PAQR5: variants seen among roughly 807,000 people sequenced by gnomAD.
The protein encoded by PAQR5 is progestin and adipoQ receptor family member 5.
A neutral mutation model predicts 34.5 loss-of-function variants in PAQR5; 20 were observed. That is an observed-to-expected ratio of 0.58 (90% CI 0.41 to 0.84). The LOEUF (loss-of-function observed/expected upper bound fraction) is 0.84. PAQR5 is among the 40% of genes least tolerant of loss of function. The probability of loss-of-function intolerance (pLI) is 0.00; values close to 1 mark genes in which losing one functional copy is unlikely to be tolerated. For synonymous variants in PAQR5, 131 were observed against 155.6 expected (o/e 0.84, Z 1.18); for missense variants, 378 against 412.7 (o/e 0.92, Z 0.73).
chr15:69,305,091 A>G (rs1418809906), intron 1 of PAQR5, among the ~76,000 whole-genome samples: 1 of 152,146 alleles, frequency 6.6e-6, no homozygotes. Flanking sequence ...GACTTTCGGT[A>G]CCGGATAATT....
chr15:69,407,580 A>G lies in PAQR5; in HGVS notation c.*3758A>G, dbSNP rs999415630. On this transcript the variant is annotated 3_prime_UTR_variant, in exon 9 of 9. Transcript: ENST00000395407. ...ACTCAGATGTTCTCCAACTTACACT[A>G]ATGTCTGGTTTTCTTGAACTATGTG... The G allele has an allele frequency of 7.9e-5, 12 of 152,224 alleles. No individual in the cohort carries two copies. The highest frequency in any genetic ancestry group is 2.4e-4 in the African/African-American group (10 of 41,456). The allele number at this position is 152,224 out of a possible 1,614,324, so 9.4% of individuals were successfully genotyped here. A position where few individuals can be genotyped will look rare whatever the true frequency, so the allele number is the denominator to read the frequency against.
At chr15:69,305,709 G>C (rs778071630) in intron 1 of PAQR5, among the ~76,000 whole-genome samples, 1 of 93,996 alleles carries the variant, frequency 1.1e-5, no homozygotes, top group Non-Finnish European at 2.1e-5. Flanking sequence ...CCACCAAGCA[G>C]AGGAGGGAGA....
chr15:69,344,286 TC>T (rs1382945747), intron 2 of PAQR5, among the ~76,000 whole-genome samples: 1 of 152,228 alleles, frequency 6.6e-6, no homozygotes, highest in Non-Finnish European at 1.5e-5. Context: ...CTGGGCTCAT[TC>T]AGAGGAGTGG....
intron 2 of PAQR5, among the ~76,000 whole-genome samples, chr15:69,342,361 C>T (rs1468705791): frequency 6.6e-6 from 1 of 151,684 alleles, no homozygotes; most frequent in East Asian, 1.9e-4. Flanking sequence ...CTATTCAAGC[C>T]ATTTGCCCAT....
chr15:69,400,178 C>A, intron 8 of PAQR5, 63 bp downstream of exon 8: 1 of 1,515,876 alleles, frequency 6.6e-7, no homozygotes, highest in Non-Finnish European at 9.0e-7. Flanking sequence ...GGTCCTGTCC[C>A]TGACTCCAGT....
chr15:69,387,523 T>C (rs1015762988), intron 5 of PAQR5, among the ~76,000 whole-genome samples: 2 of 152,220 alleles, frequency 1.3e-5, no homozygotes, highest in African/African-American at 4.8e-5. Flanking sequence ...CTGGCCTTAG[T>C]CGGCATCTGA....
chr15:69,390,361 T>TTTTC (rs1555423103), intron 6 of PAQR5, among the ~76,000 whole-genome samples: 1 of 120,750 alleles, frequency 8.3e-6, no homozygotes, highest in Non-Finnish European at 1.8e-5. Context: ...TATTTATTTA[T>TTTTC]TTTTTTGAGA....
In PAQR5 at chr15:69,405,019, A is replaced by G. The variant is rs1286831332; in HGVS notation, c.*1197A>G. 2 of 398,526 alleles carry G rather than the reference A, an allele frequency of 5.0e-6. No homozygotes were observed. Among genetic ancestry groups the G allele is most frequent in the Non-Finnish European group, 8.8e-6 (2 of 226,056 alleles). 24.7% of individuals were successfully genotyped at this position (398,526 alleles called of 1,614,324 possible). Reference sequence around the variant, plus strand: ...ATCAGCTTTGTTTCGCCTGATCTCAAGTTTTAGCAACTCACCAACTAAGGC... The same window carrying G: ...ATCAGCTTTGTTTCGCCTGATCTCAGGTTTTAGCAACTCACCAACTAAGGC... On this transcript the variant is annotated 3_prime_UTR_variant, in exon 9 of 9. Transcript: ENST00000395407.
At chr15:69,329,646 G>T (rs901162889) in intron 1 of PAQR5, among the ~76,000 whole-genome samples, 4 of 151,244 alleles carry the variant, frequency 2.6e-5, no homozygotes, top group African/African-American at 9.7e-5. Flanking sequence ...CACCACACCC[G>T]GCTAATATTT....
At chr15:69,332,779 T>A (rs1272668455) in intron 1 of PAQR5, among the ~76,000 whole-genome samples, 6 of 59,794 alleles carry the variant, frequency 1.0e-4, no homozygotes, top group Admixed American at 2.7e-4. Context: ...CTAAATCTTG[T>A]AAAAAAAAAA....
At chr15:69,361,310 A>G (rs750516102) in intron 3 of PAQR5, among the ~76,000 whole-genome samples, 2 of 152,252 alleles carry the variant, frequency 1.3e-5, no homozygotes, top group Non-Finnish European at 2.9e-5. Context: ...GAATAATTAC[A>G]TACAAATCCT....
At chr15:69,403,521 A>G in intron 8 of PAQR5, 60 bp from the exon 9 acceptor site, 1 of 1,530,590 alleles carries the variant, frequency 6.5e-7, no homozygotes, top group South Asian at 1.2e-5. Flanking sequence ...ATGCCATAGC[A>G]TGTATCAGTA....
intron 1 of PAQR5, among the ~76,000 whole-genome samples, chr15:69,334,622 C>T (rs143985803): frequency 6.6e-6 from 1 of 152,208 alleles, no homozygotes; most frequent in East Asian, 1.9e-4. Context: ...CGCTTACTTA[C>T]CAGGTTTTTC....
At chr15:69,384,929 T>C in intron 5 of PAQR5, 47 bp downstream of exon 5, 1 of 1,457,076 alleles carries the variant, frequency 6.9e-7, no homozygotes, top group Non-Finnish European at 9.5e-7. Context: ...AACCGGGCTG[T>C]TTGCCCCTTC....
chr15:69,370,038 T>C (rs2055514618), intron 3 of PAQR5, among the ~76,000 whole-genome samples: 1 of 152,180 alleles, frequency 6.6e-6, no homozygotes, highest in East Asian at 1.9e-4. Context: ...TGATGCATAC[T>C]CCAGACAGCA....
intron 1 of PAQR5, among the ~76,000 whole-genome samples, chr15:69,305,317 C>A (rs534650709): frequency 6.6e-6 from 1 of 152,184 alleles, no homozygotes; most frequent in Non-Finnish European, 1.5e-5. Context: ...ACCCTCCCAA[C>A]GGTCATCCTC....
chr15:69,308,191 C>A (rs954706593), intron 1 of PAQR5, among the ~76,000 whole-genome samples: 1 of 152,198 alleles, frequency 6.6e-6, no homozygotes, highest in Non-Finnish European at 1.5e-5. Context: ...CATGTCATAT[C>A]AATCCACACA....
intron 2 of PAQR5, among the ~76,000 whole-genome samples, chr15:69,343,042 T>C (rs12912924): frequency 0.87 from 132,919 of 152,176 alleles, 58,828 homozygotes; most frequent in Non-Finnish European, 0.96. Flanking sequence ...GTCAAATGTA[T>C]GACCACTTGT....
intron 6 of PAQR5, 103 bp downstream of exon 6, chr15:69,389,883 G>T (rs2056210480): frequency 7.2e-7 from 1 of 1,385,482 alleles, no homozygotes; most frequent in Non-Finnish European, 9.9e-7. Context: ...CAATGGAAAA[G>T]GTGCTTGGGA....
Sources: allele counts gnomAD v4.1 joint callset (sites outside exome capture counted in the v4.1 genomes callset), GRCh38; gene constraint gnomAD v4.1.1; transcripts MANE v1.5; gene names NCBI Gene and HGNC (gene_info 2026-07-23, HGNC 2026-07-21).